Variants in RNF150 observed in about 807,000 individuals in gnomAD.
RNF150 encodes ring finger protein 150.
RNF150 carries 24 observed loss-of-function variants against 39.3 expected under a neutral mutation model. That is an observed-to-expected ratio of 0.61 (90% CI 0.44 to 0.86). The LOEUF is 0.86. Ranked by LOEUF, RNF150 falls within the 40% of genes least tolerant of loss-of-function variation. The pLI, the probability that RNF150 is intolerant of heterozygous loss-of-function variation, is 0.00. For synonymous variants in RNF150, 255 were observed against 227.3 expected (o/e 1.12, Z -1.10); for missense variants, 502 against 587.8 (o/e 0.85, Z 1.51).
intron 1 of RNF150, among the ~76,000 whole-genome samples, chr4:141,032,260 T>C (rs1433238278): frequency 6.6e-6 from 1 of 152,082 alleles, no homozygotes; most frequent in Non-Finnish European, 1.5e-5. Context: ...GAGAGTCGAA[T>C]GATGGTGGCC....
At chr4:141,073,121 G>A (rs1220230717) in intron 1 of RNF150, among the ~76,000 whole-genome samples, 2 of 151,956 alleles carry the variant, frequency 1.3e-5, no homozygotes, top group Non-Finnish European at 2.9e-5. Flanking sequence ...GTGAGCCAGG[G>A]ACATGGTACC....
intron 1 of RNF150, among the ~76,000 whole-genome samples, chr4:141,047,887 T>C (rs894415154): frequency 9.9e-5 from 15 of 152,280 alleles, no homozygotes; most frequent in South Asian, 8.3e-4. Flanking sequence ...ATTGCCAAAG[T>C]TATCACCTGC....
chr4:141,111,719 G>A (rs1380718572), intron 1 of RNF150, among the ~76,000 whole-genome samples: 1 of 152,182 alleles, frequency 6.6e-6, no homozygotes, highest in Non-Finnish European at 1.5e-5. Context: ...AGTTTAATGA[G>A]TAAGTAAAAC....
At chr4:141,063,286 TATAA>T (rs1737312190) in intron 1 of RNF150, among the ~76,000 whole-genome samples, 1 of 152,224 alleles carries the variant, frequency 6.6e-6, no homozygotes, top group African/African-American at 2.4e-5. Context: ...ATCTCAATGA[TATAA>T]ATAAACAAAA....
rs1431376918 is a variant in RNF150 at position 140,864,740 on chromosome 4, T to C, written c.*3521A>G. ...CTCTTTGGCTCCTAAGTGCCACATA[T>C]CAGTCCGAGGGTTTGCCATAGAAGT... On this transcript the variant is annotated 3_prime_UTR_variant, in exon 7 of 7. Transcript: ENST00000515673. 3 of 152,168 alleles carry C rather than the reference T, an allele frequency of 2.0e-5. No homozygotes were observed. The highest frequency in any genetic ancestry group is 7.2e-5 in the African/African-American group (3 of 41,430). The allele number at this position is 152,168 out of a possible 1,614,324, so 9.4% of individuals were successfully genotyped here.
intron 1 of RNF150, among the ~76,000 whole-genome samples, chr4:141,065,555 A>T (rs1287509644): frequency 6.6e-6 from 1 of 150,500 alleles, no homozygotes. Flanking sequence ...TTTATTTGTA[A>T]TTTTTTTTTT....
intron 1 of RNF150, among the ~76,000 whole-genome samples, chr4:141,120,216 T>C (rs1384951027): frequency 2.0e-5 from 3 of 152,042 alleles, no homozygotes; most frequent in East Asian, 1.9e-4. Flanking sequence ...CTAGTAGTGA[T>C]AAGATAAGGG....
chr4:141,069,773 C>T (rs1737617309), intron 1 of RNF150, among the ~76,000 whole-genome samples: 1 of 151,988 alleles, frequency 6.6e-6, no homozygotes, highest in African/African-American at 2.4e-5. Context: ...TCAACTTCTT[C>T]CTGGTTTAGT....
chr4:141,155,239 CCA>C (rs1560761933), intron 1 of RNF150, among the ~76,000 whole-genome samples: 1 of 150,060 alleles, frequency 6.7e-6, no homozygotes. Flanking sequence ...GCATGCACCA[CCA>C]CACCCGGCTG....
At chr4:141,140,265 A>G (rs1162810461) in intron 1 of RNF150, among the ~76,000 whole-genome samples, 1 of 152,194 alleles carries the variant, frequency 6.6e-6, no homozygotes, top group East Asian at 1.9e-4. Flanking sequence ...TGCTAAAAAT[A>G]TCCTTTTTTC....
intron 4 of RNF150, among the ~76,000 whole-genome samples, chr4:140,927,328 C>T (rs904633145): frequency 6.6e-6 from 1 of 152,116 alleles, no homozygotes; most frequent in Non-Finnish European, 1.5e-5. Flanking sequence ...GGTCTGTGTC[C>T]CTGCCCAAAT....
Position 141,109,349 on chromosome 4 carries a change from T to A in RNF150, c.484+22976A>T, listed in dbSNP as rs1739313816. 2.6e-5 allele frequency among the ~76,000 whole-genome samples: 4 copies of A among 152,072 alleles called. No homozygotes were observed. The South Asian group carries it at 8.3e-4, about 32-fold the overall frequency. Reference sequence around the variant, plus strand: ...CTCTGAGTATCTCCTTTGTGTAAAGTCCTGTTCTTTGTATTAGTTGGTACA... The same window carrying A: ...CTCTGAGTATCTCCTTTGTGTAAAGACCTGTTCTTTGTATTAGTTGGTACA... On this transcript the variant is annotated intron_variant, in intron 1 of 6. Coordinates refer to ENST00000515673, the MANE Select transcript of RNF150 (RefSeq NM_020724.2).
At chr4:141,112,239 AT>A (rs1196807980) in intron 1 of RNF150, among the ~76,000 whole-genome samples, 12 of 152,170 alleles carry the variant, frequency 7.9e-5, no homozygotes, top group Admixed American at 7.9e-4. Flanking sequence ...TAAGGTTAAT[AT>A]TGTTATGTGT....
intron 1 of RNF150, among the ~76,000 whole-genome samples, chr4:141,029,230 C>T (rs762187650): frequency 4.6e-5 from 7 of 152,170 alleles, no homozygotes; most frequent in Non-Finnish European, 8.8e-5. Context: ...ATACAGGTTA[C>T]TTGGTATATC....
intron 6 of RNF150, among the ~76,000 whole-genome samples, chr4:140,877,874 G>A (rs964133499): frequency 6.6e-6 from 1 of 152,154 alleles, no homozygotes; most frequent in African/African-American, 2.4e-5. Flanking sequence ...TGGAGGTAAG[G>A]GGAAATGGAA....
intron 1 of RNF150, among the ~76,000 whole-genome samples, chr4:141,053,968 C>T (rs1002676639): frequency 7.2e-5 from 11 of 152,010 alleles, no homozygotes; most frequent in African/African-American, 2.7e-4. Context: ...TTCTTCACTC[C>T]TTCTAAAAAC....
At chr4:140,927,594 A>G (rs1731445868) in intron 4 of RNF150, among the ~76,000 whole-genome samples, 2 of 151,582 alleles carry the variant, frequency 1.3e-5, no homozygotes, top group South Asian at 4.2e-4. Flanking sequence ...TGCCAGCATC[A>G]TGCTTCCTAT....
At chr4:141,021,242 G>C (rs1735479045) in intron 1 of RNF150, among the ~76,000 whole-genome samples, 1 of 152,056 alleles carries the variant, frequency 6.6e-6, no homozygotes. Context: ...CAACGTAACA[G>C]GATTCTTGCT....
chr4:140,925,922 T>C (rs1731382173), intron 5 of RNF150, 55 bp downstream of exon 5: 4 of 1,262,218 alleles, frequency 3.2e-6, no homozygotes, highest in Non-Finnish European at 3.5e-6. Flanking sequence ...CTCCCTGCTT[T>C]GAGGGCAACG....
Sources: gnomAD v4.1 joint callset for allele counts (sites outside exome capture counted in the v4.1 genomes callset) on GRCh38, gnomAD v4.1.1 for gene constraint, MANE v1.5 for transcripts, NCBI Gene and HGNC (gene_info 2026-07-23, HGNC 2026-07-21) for gene names.